The following NCKAP5 variants were observed in gnomAD, a reference collection of about 807,000 sequenced individuals.
NCKAP5 encodes nck-associated protein 5.
A neutral mutation model predicts 167.0 loss-of-function variants in NCKAP5; 92 were observed. The ratio of observed to expected loss-of-function variants is 0.55; its 90% CI spans 0.47 to 0.66. NCKAP5 has a LOEUF of 0.66. Among genes scored for constraint, NCKAP5 ranks in the 30% least tolerant of loss-of-function variants. The pLI, the probability that NCKAP5 is intolerant of heterozygous loss-of-function variation, is 0.00. For synonymous variants in NCKAP5, 891 were observed against 877.4 expected (o/e 1.02, Z -0.27); for missense variants, 2,378 against 2,315.0 (o/e 1.03, Z -0.56).
chr2:133,145,168 C>T (rs1559189009), intron 5 of NCKAP5, among the ~76,000 whole-genome samples: 1 of 151,772 alleles, frequency 6.6e-6, no homozygotes, highest in Non-Finnish European at 1.5e-5. Flanking sequence ...TTGGAATATA[C>T]AGTAAGGCTC....
At chr2:132,972,348 A>G (rs912049276) in intron 7 of NCKAP5, among the ~76,000 whole-genome samples, 2 of 152,204 alleles carry the variant, frequency 1.3e-5, no homozygotes, top group Non-Finnish European at 2.9e-5. Context: ...CTTCTAGAGC[A>G]AAGGGCATTG....
At chr2:133,271,996 T>G (rs948500610) in intron 4 of NCKAP5, among the ~76,000 whole-genome samples, 1 of 152,086 alleles carries the variant, frequency 6.6e-6, no homozygotes, top group Non-Finnish European at 1.5e-5. Flanking sequence ...GTCTTTTAAT[T>G]TTTCTATATA....
At chr2:133,486,911 G>C (rs1485627751) in intron 3 of NCKAP5, among the ~76,000 whole-genome samples, 1 of 152,072 alleles carries the variant, frequency 6.6e-6, no homozygotes, top group Non-Finnish European at 1.5e-5. Context: ...GCTGTCATTG[G>C]CTGGGACCTT....
rs151314736 is a variant in NCKAP5, at chr2:133,031,169, T to C, written c.342-36930A>G. On this transcript the variant is annotated intron_variant, in intron 6 of 19. Coordinates refer to ENST00000409261, the MANE Select transcript of NCKAP5 (RefSeq NM_207363.3). The stretch of plus-strand genomic sequence containing the variant: ...GGGGAGTATTCACAGTACCTGATTG[T>C]AACTTCATATTGCTGAAAGAGGCAC... Among the ~76,000 whole-genome samples the C allele has an allele frequency of 6.6e-5, 10 of 152,232 alleles. No individual in the cohort carries two copies. The East Asian group carries it at 1.9e-3, about 29-fold the overall frequency.
chr2:133,193,395 A>G (rs917326483), intron 5 of NCKAP5, among the ~76,000 whole-genome samples: 1 of 152,002 alleles, frequency 6.6e-6, no homozygotes, highest in Non-Finnish European at 1.5e-5. Flanking sequence ...CATGGGAGGA[A>G]ATTGGGTAAA....
At chr2:133,010,028 G>A (rs575589995) in intron 6 of NCKAP5, among the ~76,000 whole-genome samples, 1 of 151,210 alleles carries the variant, frequency 6.6e-6, no homozygotes, top group African/African-American at 2.4e-5. Context: ...CCGAGATGGT[G>A]CCACTGCACT....
the NCKAP5 span, among the ~76,000 whole-genome samples, chr2:133,617,050 A>G: frequency 2.0e-5 from 3 of 152,210 alleles, no homozygotes; most frequent in Non-Finnish European, 4.4e-5. Flanking sequence ...AAAGACAAAA[A>G]CCACAGGATT....
At chr2:133,097,115 G>A (rs1371707887) in intron 6 of NCKAP5, among the ~76,000 whole-genome samples, 1 of 152,132 alleles carries the variant, frequency 6.6e-6, no homozygotes, top group Non-Finnish European at 1.5e-5. Flanking sequence ...GGTGTGATGT[G>A]TCACAACTTC....
intron 8 of NCKAP5, among the ~76,000 whole-genome samples, chr2:132,945,734 T>C (rs1697668274): frequency 1.3e-5 from 2 of 152,208 alleles, no homozygotes; most frequent in Admixed American, 1.3e-4. Context: ...GTTCAAAAGA[T>C]GTTACTTTTT....
chr2:132,774,036 G>A, intron 15 of NCKAP5, 142 bp from the exon 16 acceptor site: 1 of 557,100 alleles, frequency 1.8e-6, no homozygotes, highest in Non-Finnish European at 3.1e-6. Context: ...GTGTGAGTAT[G>A]TATGTATACA....
At chr2:133,183,881 C>G (rs1414680457) in intron 5 of NCKAP5, among the ~76,000 whole-genome samples, 2 of 152,132 alleles carry the variant, frequency 1.3e-5, no homozygotes, top group African/African-American at 4.8e-5. Context: ...TCATAGGATA[C>G]AAGATTAGCA....
intron 7 of NCKAP5, among the ~76,000 whole-genome samples, chr2:132,969,604 C>T (rs911488701): frequency 1.3e-5 from 2 of 152,190 alleles, no homozygotes; most frequent in African/African-American, 2.4e-5. Flanking sequence ...CCTGGCTCTT[C>T]TAGCCTGCTG....
intron 3 of NCKAP5, among the ~76,000 whole-genome samples, chr2:133,417,718 G>C (rs1317577699): frequency 1.6e-5 from 2 of 122,134 alleles, no homozygotes; most frequent in Non-Finnish European, 3.7e-5. Flanking sequence ...CAGGACCTGG[G>C]AGCAAAGGCT....
chr2:133,381,596 T>C (rs1442934294), intron 3 of NCKAP5: 3 of 152,218 alleles, frequency 2.0e-5, no homozygotes, highest in Non-Finnish European at 4.4e-5. Context: ...TTATAGACTA[T>C]CTAGTTCAAC....
chr2:132,824,720 A>G (rs1322131466), intron 11 of NCKAP5, among the ~76,000 whole-genome samples: 1 of 152,126 alleles, frequency 6.6e-6, no homozygotes, highest in African/African-American at 2.4e-5. Context: ...TGTGGATGGA[A>G]TGCTTCAAGC....
the NCKAP5 span, among the ~76,000 whole-genome samples, chr2:133,647,698 G>A: frequency 2.0e-5 from 1 of 49,488 alleles, no homozygotes; most frequent in Non-Finnish European, 3.2e-5. Context: ...AAGGAAGAAA[G>A]AAGGAAAGAA....
At chr2:132,983,508 T>G (rs1379341302) in intron 7 of NCKAP5, among the ~76,000 whole-genome samples, 1 of 152,204 alleles carries the variant, frequency 6.6e-6, no homozygotes, top group Middle Eastern at 3.2e-3. Flanking sequence ...TCAGGGTTTT[T>G]GTTTTAATCA....
chr2:133,220,227 C>T (rs2086603994), intron 4 of NCKAP5, among the ~76,000 whole-genome samples: 1 of 152,178 alleles, frequency 6.6e-6, no homozygotes, highest in Non-Finnish European at 1.5e-5. Context: ...GCCAGTAGCT[C>T]ATTATGAAGT....
At chr2:132,740,322 G>A (rs1052428970) in intron 16 of NCKAP5, among the ~76,000 whole-genome samples, 5 of 152,142 alleles carry the variant, frequency 3.3e-5, no homozygotes, top group Non-Finnish European at 7.4e-5. Flanking sequence ...AGTCTTTGTA[G>A]AAGGTCTCTC....
Sources: allele counts gnomAD v4.1 joint callset (sites outside exome capture counted in the v4.1 genomes callset), GRCh38; gene constraint gnomAD v4.1.1; transcripts MANE v1.5; gene names NCBI Gene and HGNC (gene_info 2026-07-23, HGNC 2026-07-21).